GTF3C4: variants seen among roughly 807,000 people sequenced by gnomAD.
The protein encoded by GTF3C4 is general transcription factor 3C polypeptide 4.
Under a neutral mutation model 67.5 loss-of-function variants are expected in GTF3C4, and 28 were observed. The ratio of observed to expected loss-of-function variants is 0.41; its 90% CI spans 0.31 to 0.57. GTF3C4 has a LOEUF of 0.57. GTF3C4 is among the 20% of genes least tolerant of loss of function. The pLI, the probability that GTF3C4 is intolerant of heterozygous loss-of-function variation, is 0.21. For synonymous variants in GTF3C4, 409 were observed against 393.0 expected (o/e 1.04, Z -0.48); for missense variants, 831 against 1,033.2 (o/e 0.80, Z 2.68).
At chr9:132,683,537 CT>C (rs777153027) in intron 2 of GTF3C4, 25 bp from the exon 3 acceptor site, 1 of 1,596,812 alleles carries the variant, frequency 6.3e-7, no homozygotes, top group South Asian at 1.2e-5. Context: ...TTACACTAAA[CT>C]TTGCTGACTA....
At chr9:132,685,717 A>G (rs1399568672) in intron 3 of GTF3C4, among the ~76,000 whole-genome samples, 1 of 152,224 alleles carries the variant, frequency 6.6e-6, no homozygotes, top group Non-Finnish European at 1.5e-5. Context: ...ATAAGCTTGT[A>G]GTATATTTTA....
At chr9:132,688,306 ATGC>A (rs1210811280) in intron 4 of GTF3C4, among the ~76,000 whole-genome samples, 1 of 152,252 alleles carries the variant, frequency 6.6e-6, no homozygotes, top group Admixed American at 6.5e-5. Context: ...GATAATGGAT[ATGC>A]TGCTTAGGCA....
chr9:132,675,763 C>G (rs943623370), intron 1 of GTF3C4, among the ~76,000 whole-genome samples: 1 of 152,096 alleles, frequency 6.6e-6, no homozygotes, highest in Non-Finnish European at 1.5e-5. Flanking sequence ...TACTGTGAAA[C>G]ACACTGTAGG....
rs77143022 is a variant in GTF3C4, at chr9:132,671,298, C to A, written c.357+343C>A. Among the ~76,000 whole-genome samples, 267 of 152,204 alleles carry A rather than the reference C, an allele frequency of 1.8e-3. 1 individual carries two copies. The East Asian group carries it at 0.028, about 16-fold the overall frequency. ...GATGGTGCTTTCTGAGACTCCACCC[C>A]CTGTAGATCCAACCCGGGGCCTGCC... is the stretch of plus-strand genomic sequence containing the variant. On this transcript the variant is annotated intron_variant, in intron 1 of 4. Coordinates refer to ENST00000372146, the MANE Select transcript of GTF3C4 (RefSeq NM_012204.4).
chr9:132,679,444 G>T lies in GTF3C4; in HGVS notation c.1825G>T (p.Val609Leu), dbSNP rs577534312. The change falls in exon 2 of 5, where the codon GTG becomes TTG. Residue 609 changes from valine to leucine, a missense_variant. Transcript: ENST00000372146. This position sits in a 1 kb window ranked among gnomAD's most constrained non-coding sequence, Gnocchi z 5.9. The stretch of plus-strand genomic sequence containing the variant: ...CCATGAGGACTCAAAAATCTTACTA[G>T]TGGATTCGCCTGGGATGGGCAATGC... ...PTHEDSKILL[V>L]DSPGMGNADD... 6.2e-6 allele frequency: 10 copies of T among 1,614,054 alleles called. No homozygotes were observed. Among genetic ancestry groups the T allele is most frequent in the Non-Finnish European group, 8.5e-6 (10 of 1,180,042 alleles).
chr9:132,683,494 G>GT lies in GTF3C4; in HGVS notation c.2185-66dup. The GT allele has an allele frequency of 5.9e-6, 8 of 1,364,020 alleles. No homozygotes were observed. In the South Asian group the frequency reaches 1.1e-4, roughly 18 times the overall value. The allele number at this position is 1,364,020 out of a possible 1,614,324, so 84.5% of individuals were successfully genotyped here. A position where few individuals can be genotyped will look rare whatever the true frequency, so the allele number is the denominator to read the frequency against. On this transcript the variant is annotated intron_variant, in intron 2 of 4. Transcript: ENST00000372146. ...CTTTATTTTTTAATTTTCCCTTTGT[G>GT]TTTGTAGGCTTTTTCTTCAGGAAAT...
intron 1 of GTF3C4, among the ~76,000 whole-genome samples, chr9:132,677,327 T>C (rs944612916): frequency 6.6e-6 from 1 of 152,138 alleles, no homozygotes; most frequent in East Asian, 1.9e-4. Context: ...ACTTGAACCC[T>C]GGAGGTGGGG....
At position 132,678,185 on chromosome 9, in the gene GTF3C4, A is replaced by G. The variant is rs376003896; in HGVS notation, c.566A>G (p.Asn189Ser). The change falls in exon 2 of 5, where the codon AAT becomes AGT. Residue 189 changes from asparagine to serine, a missense_variant. Physicochemically the swap from Asn to Ser is conservative, Grantham distance 46 (BLOSUM62 1). Around this residue, in one of 4 missense-constraint regions of GTF3C4, gnomAD observed 390 missense variants for 540.3 expected, o/e 0.72. Coordinates refer to ENST00000372146, the MANE Select transcript of GTF3C4 (RefSeq NM_012204.4). The surrounding 1 kb of genome is among the most constrained non-coding windows in gnomAD (Gnocchi z 6.5). The stretch of plus-strand genomic sequence containing the variant: ...CTCTTGGCAGCACTGACCATGGACA[A>G]TCGCCTGACCATCCAGGCAAATCTC... ...RCLLAALTMDNRLTIQANLNR... is the reference protein window; with the variant it reads ...RCLLAALTMDSRLTIQANLNR... The G allele has an allele frequency of 3.0e-5, 49 of 1,614,090 alleles. 1 individual carries two copies. Among genetic ancestry groups the G allele is most frequent in the African/African-American group, 1.6e-4 (12 of 74,944 alleles).
At chr9:132,684,910 C>T (rs1278709229) in intron 3 of GTF3C4, among the ~76,000 whole-genome samples, 1 of 152,098 alleles carries the variant, frequency 6.6e-6, no homozygotes, top group African/African-American at 2.4e-5. Flanking sequence ...TTTTCCTTGT[C>T]CTTCCTCTAG....
At chr9:132,682,794 G>C (rs1022802818) in intron 2 of GTF3C4, among the ~76,000 whole-genome samples, 3 of 151,850 alleles carry the variant, frequency 2.0e-5, no homozygotes, top group African/African-American at 7.3e-5. Context: ...TAGTAGAGAC[G>C]GGGTTTCACC....
chr9:132,673,060 T>C (rs953800739), intron 1 of GTF3C4, among the ~76,000 whole-genome samples: 14 of 152,110 alleles, frequency 9.2e-5, no homozygotes, highest in Admixed American at 6.5e-4. Flanking sequence ...GGCGGGCGCC[T>C]GTAGTCCTAG....
At chr9:132,687,384 C>A in intron 4 of GTF3C4, 57 bp downstream of exon 4, 1 of 989,974 alleles carries the variant, frequency 1.0e-6, no homozygotes, top group Non-Finnish European at 1.6e-6. Flanking sequence ...GGCAGAGGGC[C>A]AGCGCCCCAG....
At chr9:132,670,102 G>A, upstream of GTF3C4, 1 of 1,568,416 alleles carries the variant, frequency 6.4e-7, no homozygotes, top group African/African-American at 1.4e-5. Context: ...GGCGGCACCG[G>A]GCGGGTAGGG....
intron 3 of GTF3C4, among the ~76,000 whole-genome samples, chr9:132,684,799 T>C (rs2130901177): frequency 6.6e-6 from 1 of 152,240 alleles, no homozygotes; most frequent in East Asian, 1.9e-4. Flanking sequence ...ATATCTAAAA[T>C]TGTAACACCC....
chr9:132,684,377 C>T (rs1334932687), intron 3 of GTF3C4, among the ~76,000 whole-genome samples: 1 of 152,202 alleles, frequency 6.6e-6, no homozygotes, highest in East Asian at 1.9e-4. Context: ...GTCCAAAACA[C>T]CATCATCTCT....
rs1015421621 is a variant in GTF3C4 at position 132,689,111 on chromosome 9, T to C, written c.*166T>C. The stretch of plus-strand genomic sequence containing the variant: ...TGGAGCTCATTTCTGAATCGCACTC[T>C]CCATTTCCAGAGACTAAAGGATGTC... On this transcript the variant is annotated 3_prime_UTR_variant, in exon 5 of 5. Coordinates refer to ENST00000372146, the MANE Select transcript of GTF3C4 (RefSeq NM_012204.4). The C allele has an allele frequency of 9.8e-6, 6 of 610,754 alleles. No individual in the cohort carries two copies. Among genetic ancestry groups the C allele is most frequent in the Admixed American group, 5.3e-5 (2 of 37,436 alleles). The allele number at this position is 610,754 out of a possible 1,614,324, so 37.8% of individuals were successfully genotyped here. A position where few individuals can be genotyped will look rare whatever the true frequency, so the allele number is the denominator to read the frequency against.
Position 132,689,240 on chromosome 9 carries a change from C to G in GTF3C4, c.*295C>G, listed in dbSNP as rs1405766307. Reference sequence around the variant, plus strand: ...ACTTACTTATTTTTAAGTATCTTGACAGAAGCAATTTGAACACAGTGTCCC... The same window carrying G: ...ACTTACTTATTTTTAAGTATCTTGAGAGAAGCAATTTGAACACAGTGTCCC... On this transcript the variant is annotated 3_prime_UTR_variant, in exon 5 of 5. Coordinates refer to ENST00000372146, the MANE Select transcript of GTF3C4 (RefSeq NM_012204.4). The G allele has an allele frequency of 5.6e-6, 2 of 354,540 alleles. No homozygotes were observed. The highest frequency in any genetic ancestry group is 5.4e-5 in the East Asian group (1 of 18,670). 22.0% of individuals were successfully genotyped at this position (354,540 alleles called of 1,614,324 possible). A position where few individuals can be genotyped will look rare whatever the true frequency, so the allele number is the denominator to read the frequency against.
At chr9:132,671,409 C>T (rs1019840149) in intron 1 of GTF3C4, among the ~76,000 whole-genome samples, 1 of 152,330 alleles carries the variant, frequency 6.6e-6, no homozygotes, top group South Asian at 2.1e-4. Flanking sequence ...TCTCGCGCCT[C>T]TTTAGCTTCA....
intron 1 of GTF3C4, among the ~76,000 whole-genome samples, chr9:132,675,107 T>C (rs1027849916): frequency 5.9e-5 from 9 of 152,358 alleles, no homozygotes; most frequent in Non-Finnish European, 8.8e-5. Context: ...AATATATGCT[T>C]TGATATATTG....
Sources: gnomAD v4.1 joint callset for allele counts (sites outside exome capture counted in the v4.1 genomes callset) on GRCh38, gnomAD v4.1.1 for gene constraint, gnomAD v4.1.1 regional missense constraint, Gnocchi (gnomAD v3.1) non-coding constraint, MANE v1.5 for transcripts, NCBI Gene and HGNC (gene_info 2026-07-23, HGNC 2026-07-21) for gene names.